Variants in GINS3 observed in about 807,000 individuals in gnomAD.
The protein encoded by GINS3 is GINS complex subunit 3, also known as DNA replication complex GINS protein PSF3.
Under a neutral mutation model 20.0 loss-of-function variants are expected in GINS3, and 18 were observed. That is an observed-to-expected ratio of 0.90 (90% CI 0.62 to 1.33). GINS3 has a LOEUF of 1.33. Among genes scored for constraint, GINS3 ranks in the 40% most tolerant of loss-of-function variants. The pLI is 0.00. For synonymous variants in GINS3, 109 were observed against 107.0 expected (o/e 1.02, Z -0.12); for missense variants, 254 against 273.6 (o/e 0.93, Z 0.51).
chr16:58,394,048 T>C lies in GINS3; in HGVS notation c.186+1261T>C, dbSNP rs573557639. 8.3e-4 allele frequency among the ~76,000 whole-genome samples: 127 copies of C among 152,276 alleles called. No homozygotes were observed. The Middle Eastern group carries it at 0.031, about 37-fold the overall frequency. ...ATGTAGACATTATCTGTTGACTTCA[T>C]CCTAGCAGATGAGGATTTCGTTCCC... On this transcript the variant is annotated intron_variant, in intron 1 of 2. Coordinates refer to ENST00000318129, the MANE Select transcript of GINS3 (RefSeq NM_022770.4).
chr16:58,404,517 C>T lies in GINS3; in HGVS notation c.439C>T (p.Arg147Cys), dbSNP rs760402447. The T allele has an allele frequency of 3.2e-5, 51 of 1,613,864 alleles. No homozygotes were observed. The highest frequency in any genetic ancestry group is 2.5e-4 in the East Asian group (11 of 44,894). ...SLLQTFIGRF[R>C]RIMDSSQNAY... Reference sequence around the variant, plus strand: ...TTCCCAGACTTTTATCGGACGTTTTCGCCGCATCATGGACTCCTCACAGAA... The same window carrying T: ...TTCCCAGACTTTTATCGGACGTTTTTGCCGCATCATGGACTCCTCACAGAA... The change falls in exon 3 of 3, where the codon CGC becomes TGC. Residue 147 changes from arginine to cysteine, a missense_variant. Physicochemically the swap from Arg to Cys is radical, Grantham distance 180 (BLOSUM62 -3). Coordinates refer to ENST00000318129, the MANE Select transcript of GINS3 (RefSeq NM_022770.4).
intron 1 of GINS3, among the ~76,000 whole-genome samples, chr16:58,402,309 T>C (rs1965967396): frequency 1.3e-5 from 2 of 152,348 alleles, no homozygotes; most frequent in Middle Eastern, 3.4e-3. Context: ...GGGGGCTTAC[T>C]TCCCTCCCTT....
Position 58,403,237 on chromosome 16 carries a change from T to A in GINS3, c.326T>A (p.Leu109His). Residue 109 changes from leucine (L) to histidine (H), a missense_variant, in exon 2 of 3, where the codon CTC becomes CAC. Transcript: ENST00000318129. ...AGTGCAGATCCCAATGTGGTGGACCTCCACAAAATGGGGCCCCATTTCTAC... is the reference window on the plus strand; with the variant it reads ...AGTGCAGATCCCAATGTGGTGGACCACCACAAAATGGGGCCCCATTTCTAC... ...VFSADPNVVD[L>H]HKMGPHFYGF... The A allele has an allele frequency of 6.2e-7, 1 of 1,614,128 alleles. No homozygotes were observed. The highest frequency in any genetic ancestry group is 8.5e-7 in the Non-Finnish European group (1 of 1,180,002).
At chr16:58,403,559 G>A in intron 2 of GINS3, 1 of 506,010 alleles carries the variant, frequency 2.0e-6, no homozygotes, top group East Asian at 3.5e-5. Flanking sequence ...CCTCATATTT[G>A]CTTGCTACAA....
At chr16:58,397,804 AGGGAGAGGGAGACCGTG>A (rs1596958272) in intron 1 of GINS3, among the ~76,000 whole-genome samples, 1 of 151,658 alleles carries the variant, frequency 6.6e-6, no homozygotes, top group Admixed American at 6.6e-5. Context: ...GTGGAAAGAG[AGGGAGAGGGAGACCGTG>A]GGGAGAGGGA....
At chr16:58,396,763 C>T (rs1965874491) in intron 1 of GINS3, among the ~76,000 whole-genome samples, 1 of 135,080 alleles carries the variant, frequency 7.4e-6, no homozygotes. Context: ...GGGCGGGGGG[C>T]TGACCCCCCC....
intron 1 of GINS3, 39 bp from the exon 2 acceptor site, chr16:58,403,059 C>G: frequency 6.6e-7 from 1 of 1,520,632 alleles, no homozygotes; most frequent in East Asian, 2.3e-5. Flanking sequence ...TGCTGTGTTA[C>G]TTGTCTGTTT....
At chr16:58,396,108 C>G (rs56166616) in intron 1 of GINS3, among the ~76,000 whole-genome samples, 1,523 of 140,940 alleles carry the variant, frequency 0.011, 11 homozygotes, top group Non-Finnish European at 0.016. Context: ...CACCTCCCTC[C>G]CGGACGGGGC....
rs1370248940 is a variant in GINS3 at position 58,405,831 on chromosome 16, CCT to C, written c.*1103_*1104del. On this transcript the variant is annotated 3_prime_UTR_variant, in exon 3 of 3. Coordinates refer to ENST00000318129, the MANE Select transcript of GINS3 (RefSeq NM_022770.4). ...TGTTTGCAGGGCATCACTGCTTCCC[CCT>C]GACACCTCACAACTAGCAAAAATTG... The C allele has an allele frequency of 6.6e-6, 1 of 152,172 alleles. No homozygotes were observed. The highest frequency in any genetic ancestry group is 6.6e-5 in the Admixed American group (1 of 15,266). The allele number at this position is 152,172 out of a possible 1,614,324, so 9.4% of individuals were successfully genotyped here.
intron 1 of GINS3, among the ~76,000 whole-genome samples, chr16:58,397,011 G>A (rs1305928723): frequency 3.4e-5 from 5 of 145,652 alleles, no homozygotes; most frequent in Non-Finnish European, 7.5e-5. Context: ...CTGGCTGGGC[G>A]GGGGGCTGAC....
In GINS3 at chr16:58,404,847, T is replaced by A; in HGVS notation, c.*118T>A. The A allele has an allele frequency of 1.4e-6, 1 of 735,712 alleles. No individual in the cohort carries two copies. Among genetic ancestry groups the A allele is most frequent in the Non-Finnish European group, 2.3e-6 (1 of 438,926 alleles). 45.6% of individuals were successfully genotyped at this position (735,712 alleles called of 1,614,324 possible). On this transcript the variant is annotated 3_prime_UTR_variant, in exon 3 of 3. Transcript: ENST00000318129. Reference sequence around the variant, plus strand: ...GTCCCATTTCATGGCTTATTTCCTGTGGCCATAGAGAATTATAGGGAACTG... The same window carrying A: ...GTCCCATTTCATGGCTTATTTCCTGAGGCCATAGAGAATTATAGGGAACTG...
At chr16:58,402,500 A>G (rs898154508) in intron 1 of GINS3, among the ~76,000 whole-genome samples, 1 of 152,004 alleles carries the variant, frequency 6.6e-6, no homozygotes, top group Non-Finnish European at 1.5e-5. Context: ...CATTCAATCC[A>G]GTTGTTTGCC....
chr16:58,396,372 C>T (rs1252278775), intron 1 of GINS3, among the ~76,000 whole-genome samples: 5 of 120,674 alleles, frequency 4.1e-5, no homozygotes, highest in East Asian at 2.6e-4. Flanking sequence ...CCGGATGGGG[C>T]GGCTGGCCGG....
At chr16:58,402,896 TTCTC>T (rs1278362031) in intron 1 of GINS3, 198 bp from the exon 2 acceptor site, 6 of 582,030 alleles carry the variant, frequency 1.0e-5, no homozygotes, top group Non-Finnish European at 1.8e-5. Context: ...TAAATCCATT[TTCTC>T]TCTCCATTCC....
chr16:58,395,718 C>T (rs1369311210), intron 1 of GINS3, among the ~76,000 whole-genome samples: 2 of 152,184 alleles, frequency 1.3e-5, no homozygotes, highest in Admixed American at 1.3e-4. Context: ...TGAAAAGTCT[C>T]CCACGTCTAC....
At chr16:58,396,881 G>GGCGGGGGACTGACCCCCCC (rs1965878798) in intron 1 of GINS3, among the ~76,000 whole-genome samples, 1 of 147,400 alleles carries the variant, frequency 6.8e-6, no homozygotes, top group African/African-American at 2.5e-5. Flanking sequence ...CGGCTGGCCG[G>GGCGGGGGACTGACCCCCCC]GCGGGGGGCT....
intron 1 of GINS3, among the ~76,000 whole-genome samples, chr16:58,393,031 T>A (rs1596952779): frequency 1.3e-5 from 2 of 152,328 alleles, no homozygotes; most frequent in East Asian, 3.9e-4. Context: ...CCAGGCAGCC[T>A]CCAACATTGA....
Position 58,404,773 on chromosome 16 carries a change from C to T in GINS3, c.*44C>T, listed in dbSNP as rs185161702. ...ATGGCTCCTCACAGACGTATCCCTC[C>T]GTGTGTCCTTGATAGGAGCTGGTTG... On this transcript the variant is annotated 3_prime_UTR_variant, in exon 3 of 3. Coordinates refer to ENST00000318129, the MANE Select transcript of GINS3 (RefSeq NM_022770.4). 1.4e-4 allele frequency: 194 copies of T among 1,396,246 alleles called. No individual in the cohort carries two copies. Among genetic ancestry groups the T allele is most frequent in the African/African-American group, 1.1e-3 (74 of 70,466 alleles). The allele number at this position is 1,396,246 out of a possible 1,614,324, so 86.5% of individuals were successfully genotyped here. A position where few individuals can be genotyped will look rare whatever the true frequency, so the allele number is the denominator to read the frequency against.
intron 1 of GINS3, among the ~76,000 whole-genome samples, chr16:58,394,258 G>T (rs971466334): frequency 6.6e-6 from 1 of 152,084 alleles, no homozygotes; most frequent in African/African-American, 2.4e-5. Context: ...TAATGACCTC[G>T]ACGGTTTTGT....
Sources: allele counts gnomAD v4.1 joint callset (sites outside exome capture counted in the v4.1 genomes callset), GRCh38; gene constraint gnomAD v4.1.1; transcripts MANE v1.5; gene names NCBI Gene and HGNC (gene_info 2026-07-23, HGNC 2026-07-21).